Variants in GAS2 observed in about 807,000 individuals in gnomAD.
The protein encoded by GAS2 is growth arrest-specific protein 2.
GAS2 carries 20 observed loss-of-function variants against 37.5 expected under a neutral mutation model. That is an observed-to-expected ratio of 0.53 (90% CI 0.37 to 0.77). GAS2 has a LOEUF of 0.77. Among genes scored for constraint, GAS2 ranks in the 30% least tolerant of loss-of-function variants. The probability of loss-of-function intolerance (pLI) is 0.00; values close to 1 mark genes in which losing one functional copy is unlikely to be tolerated. For missense variants in GAS2, 336 were observed against 373.4 expected, an observed-to-expected ratio of 0.90 and a Z score of 0.82; for synonymous variants, 144 against 132.2, an observed-to-expected ratio of 1.09 and a Z score of -0.61.
intron 7 of GAS2, among the ~76,000 whole-genome samples, chr11:22,789,522 C>T (rs1283914276): frequency 4.2e-5 from 5 of 120,336 alleles, no homozygotes; most frequent in Admixed American, 1.0e-4. Flanking sequence ...AGTGCAGTGG[C>T]GTGATCTCGG....
In GAS2 at chr11:22,726,300, G is replaced by T. The variant is rs371383777; in HGVS notation, c.276G>T (p.Pro92=). 6.2e-7 allele frequency: 1 copy of T among 1,600,390 alleles called. No individual in the cohort carries two copies. ...MDANKPTKNL[P]LKKIPCKTSA... The stretch of plus-strand genomic sequence containing the variant: ...ATTTCTTTATTTTTCAGAATCTACC[G>T]TTGAAGAAGATCCCATGCAAAACCA... Residue 92 remains proline (P), a synonymous_variant, in exon 4 of 8, where the codon CCG becomes CCT. Coordinates refer to ENST00000454584, the MANE Select transcript of GAS2 (RefSeq NM_001143830.3).
At position 22,748,625 on chromosome 11, in the gene GAS2, C is replaced by A. The variant is rs138163237; in HGVS notation, c.474-495C>A. On this transcript the variant is annotated intron_variant, in intron 5 of 7. Transcript: ENST00000454584. ...ATAACCCATAGTACAATGTTCTGGA[C>A]CCATAGGAAATATATTCAAAGTTAA... is the stretch of plus-strand genomic sequence containing the variant. Among the ~76,000 whole-genome samples, 853 of 152,070 alleles carry A rather than the reference C, an allele frequency of 5.6e-3. 14 individuals carry two copies. The highest frequency in any genetic ancestry group is 0.019 in the African/African-American group (772 of 41,494).
At chr11:22,767,167 G>C (rs888638256) in intron 7 of GAS2, among the ~76,000 whole-genome samples, 2 of 152,006 alleles carry the variant, frequency 1.3e-5, no homozygotes, top group African/African-American at 2.4e-5. Context: ...ATTACTGTAT[G>C]ACAAAAATGA....
At chr11:22,627,885 A>AT (rs1479297244) in intron 1 of GAS2, among the ~76,000 whole-genome samples, 4 of 152,010 alleles carry the variant, frequency 2.6e-5, no homozygotes, top group East Asian at 1.9e-4. Context: ...GGAATCCTTA[A>AT]TTTTTTTTGC....
intron 7 of GAS2, among the ~76,000 whole-genome samples, chr11:22,799,650 C>T (rs1340874429): frequency 3.3e-5 from 5 of 151,992 alleles, no homozygotes; most frequent in Non-Finnish European, 1.5e-5. Context: ...TTTTTTCAGA[C>T]TCCTCTTTCT....
At chr11:22,731,142 T>C (rs1852454144) in intron 4 of GAS2, among the ~76,000 whole-genome samples, 1 of 151,874 alleles carries the variant, frequency 6.6e-6, no homozygotes, top group East Asian at 1.9e-4. Context: ...GTAATTTGCA[T>C]TGGCCTATCA....
rs576886198 is a variant in GAS2, at chr11:22,705,708, G to A, written c.267+19919G>A. Among the ~76,000 whole-genome samples, 5 of 152,132 alleles carry A rather than the reference G, an allele frequency of 3.3e-5. No homozygotes were observed. The South Asian group carries it at 1.0e-3, about 31-fold the overall frequency. ...ATACTGAACACCTAACATATACAGGGCAAAATATTGGATGCTCACATGCTT... is the reference window on the plus strand; with the variant it reads ...ATACTGAACACCTAACATATACAGGACAAAATATTGGATGCTCACATGCTT... On this transcript the variant is annotated intron_variant, in intron 3 of 7. Coordinates refer to ENST00000454584, the MANE Select transcript of GAS2 (RefSeq NM_001143830.3).
chr11:22,678,277 T>C (rs1443661929), intron 2 of GAS2, among the ~76,000 whole-genome samples: 1 of 139,086 alleles, frequency 7.2e-6, no homozygotes, highest in Admixed American at 7.8e-5. Flanking sequence ...AATAAATTTA[T>C]AGTTATGTTA....
intron 3 of GAS2, among the ~76,000 whole-genome samples, chr11:22,692,306 C>T (rs1431299553): frequency 1.3e-5 from 2 of 152,134 alleles, no homozygotes; most frequent in Non-Finnish European, 2.9e-5. Flanking sequence ...AAATCGGAGA[C>T]AAGTCTCAGT....
At chr11:22,661,657 T>A (rs990107973), upstream of GAS2, among the ~76,000 whole-genome samples, 6 of 152,152 alleles carry the variant, frequency 3.9e-5, no homozygotes, top group African/African-American at 1.4e-4. Context: ...AGGTAAAAGA[T>A]CATTTTGGTT....
Position 22,732,808 on chromosome 11 carries a change from T to C in GAS2, c.410-4897T>C, listed in dbSNP as rs557361511. On this transcript the variant is annotated intron_variant, in intron 4 of 7. Transcript: ENST00000454584. ...ATCATCATCATCATCATCATCATCA[T>C]CATCACCACCACCATTGCTATCCTT... Among the ~76,000 whole-genome samples the C allele has an allele frequency of 5.6e-3, 814 of 145,886 alleles. 7 individuals are homozygous for C. The highest frequency in any genetic ancestry group is 0.02 in the African/African-American group (767 of 38,630).
chr11:22,639,803 T>G (rs1241185700), intron 1 of GAS2, among the ~76,000 whole-genome samples: 1 of 152,174 alleles, frequency 6.6e-6, no homozygotes, highest in Non-Finnish European at 1.5e-5. Context: ...GATAAAATTT[T>G]TTCTGGGTCC....
intron 1 of GAS2, among the ~76,000 whole-genome samples, chr11:22,660,681 T>G (rs757074004): frequency 3.3e-4 from 50 of 152,330 alleles, no homozygotes; most frequent in Middle Eastern, 6.8e-3. Context: ...TATTACAAAT[T>G]TACTATGCCT....
intron 3 of GAS2, among the ~76,000 whole-genome samples, chr11:22,717,223 G>A (rs960247283): frequency 6.6e-6 from 1 of 152,052 alleles, no homozygotes; most frequent in Non-Finnish European, 1.5e-5. Flanking sequence ...AAATCCGATG[G>A]CATCACATTA....
At chr11:22,747,979 A>G (rs1051271499) in intron 5 of GAS2, among the ~76,000 whole-genome samples, 3 of 151,832 alleles carry the variant, frequency 2.0e-5, no homozygotes, top group Non-Finnish European at 2.9e-5. Flanking sequence ...TTAGAATAGG[A>G]CAATTACTTA....
At chr11:22,682,830 G>C (rs950722035) in intron 2 of GAS2, among the ~76,000 whole-genome samples, 1 of 123,430 alleles carries the variant, frequency 8.1e-6, no homozygotes, top group Non-Finnish European at 1.6e-5. Flanking sequence ...TGACGAGATC[G>C]CACCACTGCA....
At chr11:22,781,275 G>A (rs1314784603) in intron 7 of GAS2, among the ~76,000 whole-genome samples, 2 of 149,760 alleles carry the variant, frequency 1.3e-5, no homozygotes, top group South Asian at 2.1e-4. Context: ...AGGTGGGGAT[G>A]GGGGGTCTCC....
intron 2 of GAS2, among the ~76,000 whole-genome samples, chr11:22,682,223 A>C (rs1261616806): frequency 6.6e-6 from 1 of 152,124 alleles, no homozygotes; most frequent in African/African-American, 2.4e-5. Context: ...CAGGATAACT[A>C]AAAAGATATA....
intron 3 of GAS2, 53 bp from the exon 4 acceptor site, chr11:22,726,239 C>G: frequency 3.2e-6 from 5 of 1,541,630 alleles, no homozygotes; most frequent in Non-Finnish European, 4.4e-6. Flanking sequence ...TTTAAAACAT[C>G]ATTGTGCTAA....
Sources: allele counts gnomAD v4.1 joint callset (sites outside exome capture counted in the v4.1 genomes callset), GRCh38; gene constraint gnomAD v4.1.1; transcripts MANE v1.5; gene names NCBI Gene and HGNC (gene_info 2026-07-23, HGNC 2026-07-21).